The following LRRC4C variants were observed in gnomAD, a reference collection of about 807,000 sequenced individuals.
LRRC4C encodes leucine-rich repeat-containing protein 4C.
A neutral mutation model predicts 33.6 loss-of-function variants in LRRC4C; 5 were observed. The ratio of observed to expected loss-of-function variants is 0.15; its 90% CI spans 0.08 to 0.31. The LOEUF (loss-of-function observed/expected upper bound fraction) is 0.31. LRRC4C is among the 10% of genes least tolerant of loss of function. The pLI is 1.00. For missense variants in LRRC4C, 560 were observed against 796.7 expected, an observed-to-expected ratio of 0.70 and a Z score of 3.58; for synonymous variants, 329 against 302.0, an observed-to-expected ratio of 1.09 and a Z score of -0.93.
chr11:41,032,171 C>G (rs1364789066), intron 1 of LRRC4C, among the ~76,000 whole-genome samples: 1 of 152,020 alleles, frequency 6.6e-6, no homozygotes, highest in Non-Finnish European at 1.5e-5. Context: ...TCATTCCAGA[C>G]TCAATTCCAA....
chr11:40,544,704 T>C (rs986182165), intron 3 of LRRC4C, among the ~76,000 whole-genome samples: 1 of 152,152 alleles, frequency 6.6e-6, no homozygotes, highest in South Asian at 2.1e-4. Context: ...CTTAGATATA[T>C]TTGTTTTCAC....
chr11:40,938,165 GA>G (rs1374782809), intron 1 of LRRC4C, among the ~76,000 whole-genome samples: 1 of 152,200 alleles, frequency 6.6e-6, no homozygotes, highest in Non-Finnish European at 1.5e-5. Flanking sequence ...AAGGGGCAAA[GA>G]TGAATGAACA....
At chr11:40,678,865 AG>A (rs555067276) in intron 2 of LRRC4C, among the ~76,000 whole-genome samples, 109 of 152,238 alleles carry the variant, frequency 7.2e-4, no homozygotes, top group African/African-American at 2.5e-3. Context: ...GGTACTGGGT[AG>A]GGGGGTGCTA....
chr11:41,209,535 C>T (rs186559730), intron 1 of LRRC4C, among the ~76,000 whole-genome samples: 5 of 151,804 alleles, frequency 3.3e-5, no homozygotes, highest in Non-Finnish European at 7.4e-5. Flanking sequence ...ATCCCAGCTA[C>T]TCGGGAAGCT....
At chr11:40,924,053 G>C (rs1160209939) in intron 2 of LRRC4C, among the ~76,000 whole-genome samples, 1 of 151,222 alleles carries the variant, frequency 6.6e-6, no homozygotes, top group Non-Finnish European at 1.5e-5. Flanking sequence ...GACTTGTAGA[G>C]TTATATATAT....
intron 3 of LRRC4C, among the ~76,000 whole-genome samples, chr11:40,502,054 G>T (rs1416607584): frequency 6.6e-6 from 1 of 152,086 alleles, no homozygotes; most frequent in Non-Finnish European, 1.5e-5. Flanking sequence ...TCTAGTGCAG[G>T]GGCAAAATGC....
At chr11:40,886,702 G>T (rs770021802) in intron 2 of LRRC4C, among the ~76,000 whole-genome samples, 1 of 151,184 alleles carries the variant, frequency 6.6e-6, no homozygotes, top group Non-Finnish European at 1.5e-5. Flanking sequence ...CTAAAAGTTA[G>T]AAAAAAAGTC....
At chr11:40,940,665 C>T (rs1226283457) in intron 1 of LRRC4C, among the ~76,000 whole-genome samples, 1 of 152,084 alleles carries the variant, frequency 6.6e-6, no homozygotes, top group African/African-American at 2.4e-5. Flanking sequence ...CTTTCTAATG[C>T]CTCCAGAACA....
intron 1 of LRRC4C, among the ~76,000 whole-genome samples, chr11:41,437,709 C>T (rs903251707): frequency 6.6e-6 from 1 of 152,050 alleles, no homozygotes; most frequent in Admixed American, 6.6e-5. Flanking sequence ...GACTTTTTTG[C>T]GCTAAAGAGT....
intron 1 of LRRC4C, among the ~76,000 whole-genome samples, chr11:41,078,756 G>A (rs903564764): frequency 1.4e-4 from 21 of 152,136 alleles, no homozygotes; most frequent in Non-Finnish European, 2.9e-5. Flanking sequence ...CATATCATCA[G>A]ATGAGGCCAA....
chr11:40,687,818 C>T (rs1241141064), intron 2 of LRRC4C, among the ~76,000 whole-genome samples: 1 of 152,026 alleles, frequency 6.6e-6, no homozygotes, highest in Non-Finnish European at 1.5e-5. Flanking sequence ...CATATTTATT[C>T]ATTAGCTGTT....
chr11:41,249,420 A>C (rs1948566225), intron 1 of LRRC4C, among the ~76,000 whole-genome samples: 1 of 152,188 alleles, frequency 6.6e-6, no homozygotes, highest in Non-Finnish European at 1.5e-5. Flanking sequence ...TGGCATGTAG[A>C]TGTCAATCAC....
rs1383112147 is a variant in LRRC4C, at chr11:40,544,052, GC to G, written c.-270+104089del. The stretch of plus-strand genomic sequence containing the variant: ...TGTAGCCTGCTAGCCTCAAGTTTAT[GC>G]CTTTTCCTTAAGCAAACTTTGCCAT... On this transcript the variant is annotated intron_variant, in intron 3 of 6. Transcript: ENST00000528697. Among the ~76,000 whole-genome samples the G allele has an allele frequency of 1.1e-4, 17 of 152,072 alleles. No homozygotes were observed. In the East Asian group the frequency reaches 1.9e-3, roughly 17 times the overall value.
intron 1 of LRRC4C, among the ~76,000 whole-genome samples, chr11:41,091,969 T>G (rs1185122428): frequency 6.6e-6 from 1 of 152,124 alleles, no homozygotes; most frequent in Non-Finnish European, 1.5e-5. Flanking sequence ...ATAGTTGCAC[T>G]AAATATGCAG....
At chr11:41,029,470 T>C (rs889893226) in intron 1 of LRRC4C, among the ~76,000 whole-genome samples, 6 of 151,910 alleles carry the variant, frequency 3.9e-5, no homozygotes, top group Admixed American at 3.3e-4. Flanking sequence ...CTAGCATTTT[T>C]AGTTTTAACT....
chr11:40,169,700 A>G (rs576118525), intron 5 of LRRC4C, among the ~76,000 whole-genome samples: 1 of 152,308 alleles, frequency 6.6e-6, no homozygotes, highest in Non-Finnish European at 1.5e-5. Context: ...GTTGTAAGCT[A>G]TGATCTATTC....
chr11:40,912,564 A>G (rs1956748097), intron 2 of LRRC4C, among the ~76,000 whole-genome samples: 1 of 152,246 alleles, frequency 6.6e-6, no homozygotes, highest in African/African-American at 2.4e-5. Context: ...CATGGAAAGG[A>G]ACAACTGGTA....
intron 1 of LRRC4C, among the ~76,000 whole-genome samples, chr11:41,396,016 A>G (rs999295059): frequency 6.6e-6 from 1 of 151,992 alleles, no homozygotes; most frequent in Non-Finnish European, 1.5e-5. Context: ...AAGGTCATAA[A>G]CATTCTTTAA....
intron 4 of LRRC4C, among the ~76,000 whole-genome samples, chr11:40,291,246 G>C (rs2136566499): frequency 6.6e-6 from 1 of 152,256 alleles, no homozygotes; most frequent in African/African-American, 2.4e-5. Flanking sequence ...TGATCCTACA[G>C]GCGCTCAGAC....
Sources: gnomAD v4.1 joint callset for allele counts (sites outside exome capture counted in the v4.1 genomes callset) on GRCh38, gnomAD v4.1.1 for gene constraint, MANE v1.5 for transcripts, NCBI Gene and HGNC (gene_info 2026-07-23, HGNC 2026-07-21) for gene names.